The following FAM9C variants were observed in gnomAD, a reference collection of about 807,000 sequenced individuals.
FAM9C encodes protein FAM9C.
In FAM9C, 15 loss-of-function variants were observed where a neutral mutation model predicts 14.8. The observed-to-expected ratio is 1.02, with a 90% confidence interval of 0.68 to 1.56. The LOEUF is 1.56. Among genes scored for constraint, FAM9C ranks in the 40% most tolerant of loss-of-function variants. The probability of loss-of-function intolerance (pLI) is 0.00; values close to 1 mark genes in which losing one functional copy is unlikely to be tolerated. For missense variants in FAM9C, 116 were observed against 118.0 expected (o/e 0.98, Z 0.08); for synonymous variants, 45 against 37.5 (o/e 1.20, Z -0.74).
In FAM9C at chrX:13,040,773, G is replaced by A; in HGVS notation, c.314C>T (p.Thr105Ile). The A allele has an allele frequency of 8.5e-7, 1 of 1,175,188 alleles. No individual in the cohort carries two copies. The highest frequency in any genetic ancestry group is 2.0e-5 in the South Asian group (1 of 51,161). Reference protein sequence around the residue: ...IKNRIKNVLRTTQLKRQKRDY... With the variant: ...IKNRIKNVLRITQLKRQKRDY... ...ACAATCATACCTTTTTAGTTGTGTT[G>A]TTCTCAAAACATTTTTAATTCTGTT... Residue 105 changes from threonine (T) to isoleucine (I), a missense_variant, in exon 5 of 8, where the codon ACA becomes ATA. Coordinates refer to ENST00000380625, the MANE Select transcript of FAM9C (RefSeq NM_174901.6).
Position 13,043,627 on chromosome X carries a change from G to C in FAM9C, c.61+102C>G. The C allele has an allele frequency of 3.9e-6, 4 of 1,027,850 alleles. No individual in the cohort carries two copies. The Admixed American group carries it at 6.8e-5, about 17-fold the overall frequency. The allele number at this position is 1,027,850 out of a possible 1,213,427, so 84.7% of individuals were successfully genotyped here. A position where few individuals can be genotyped will look rare whatever the true frequency, so the allele number is the denominator to read the frequency against. On this transcript the variant is annotated intron_variant, in intron 2 of 7. Coordinates refer to ENST00000380625, the MANE Select transcript of FAM9C (RefSeq NM_174901.6). ...CATGCACGGTGAGCTCCAAAGCCAC[G>C]AAGGGGCCGGGGGCCTCGGGCTGCC...
rs1219703037 is a variant in FAM9C at position 13,043,131 on chromosome X, G to C, written c.179C>G (p.Thr60Arg). 1 of 1,205,165 alleles carries C rather than the reference G, an allele frequency of 8.3e-7. No individual in the cohort carries two copies. Among genetic ancestry groups the C allele is most frequent in the Non-Finnish European group, 1.1e-6 (1 of 893,373 alleles). The change falls in exon 3 of 8, where the codon ACG becomes AGG. Residue 60 changes from threonine (T) to arginine (R), a missense_variant. Coordinates refer to ENST00000380625, the MANE Select transcript of FAM9C (RefSeq NM_174901.6). Reference protein sequence around the residue: ...RGSFAETDEHTGVDTKELEDI... With the variant: ...RGSFAETDEHRGVDTKELEDI... ...AAAAGGGACTTAAACACTTTACCCC[G>C]TGTGTTCATCTGTTTCAGCAAAAGA...
chrX:13,038,680 T>C (rs1370141484), intron 6 of FAM9C, among the ~76,000 whole-genome samples, 177 bp from the exon 7 acceptor site: 2 of 112,550 alleles, frequency 1.8e-5, no homozygotes, highest in African/African-American at 6.5e-5. Flanking sequence ...CAATAACCTT[T>C]TTCATCAGTC....
In FAM9C at chrX:13,043,373, C is replaced by T. The variant is rs140660027; in HGVS notation, c.62-125G>A. 1.1e-3 allele frequency: 1,045 copies of T among 935,397 alleles called. 9 individuals carry two copies. In the African/African-American group the frequency reaches 0.018, roughly 16 times the overall value. The allele number at this position is 935,397 out of a possible 1,213,427, so 77.1% of individuals were successfully genotyped here. A position where few individuals can be genotyped will look rare whatever the true frequency, so the allele number is the denominator to read the frequency against. ...CGCCAATTAAAGCTTTACCGCAGAG[C>T]TATACATGGAATCGCCGGCTCCTAA... On this transcript the variant is annotated intron_variant, in intron 2 of 7. Coordinates refer to ENST00000380625, the MANE Select transcript of FAM9C (RefSeq NM_174901.6).
chrX:13,039,244 C>CA (rs1475547157), intron 6 of FAM9C, among the ~76,000 whole-genome samples: 2 of 111,324 alleles, frequency 1.8e-5, no homozygotes, highest in Non-Finnish European at 3.8e-5. Context: ...AATTGGATCC[C>CA]AAGCAGTGGG....
At chrX:13,041,138 TA>T (rs1290998576) in intron 4 of FAM9C, 1 of 180,161 alleles carries the variant, frequency 5.6e-6, no homozygotes, top group East Asian at 1.2e-4. Flanking sequence ...TTCTATTTTT[TA>T]AGTGTGCAGA....
chrX:13,043,346 TC>T, intron 2 of FAM9C, 98 bp from the exon 3 acceptor site: 1 of 1,045,213 alleles, frequency 9.6e-7, no homozygotes, highest in Non-Finnish European at 1.3e-6. Context: ...TTTTTGGCTC[TC>T]CGCCAATTAA....
intron 4 of FAM9C, 80 bp downstream of exon 4, chrX:13,042,838 C>T: frequency 9.8e-7 from 1 of 1,024,374 alleles, no homozygotes; most frequent in Non-Finnish European, 1.4e-6. Flanking sequence ...TCTTGTCATC[C>T]ACTAATTCAT....
chrX:13,041,754 C>G (rs1321686948), intron 4 of FAM9C: 1 of 112,043 alleles, frequency 8.9e-6, no homozygotes, highest in African/African-American at 3.2e-5. Flanking sequence ...TTTCTGAGAG[C>G]TTTTTATATG....
chrX:13,043,644 C>T (rs2043548694), intron 2 of FAM9C, 85 bp downstream of exon 2: 23 of 1,114,250 alleles, frequency 2.1e-5, no homozygotes, highest in Admixed American at 4.4e-5. Context: ...CCGGGGGCCT[C>T]GGGCTGCCCA....
chrX:13,042,919 T>C lies in FAM9C; in HGVS notation c.213A>G (p.Ala71=). Residue 71 remains alanine, a splice_region_variant and synonymous_variant, in exon 4 of 8, where the codon GCA becomes GCG. Transcript: ENST00000380625. ...GVDTKELEDI[A]ADIKEHLAAK... The stretch of plus-strand genomic sequence containing the variant: ...CCACAAATAGCTCGTAAAACATACC[T>C]GCAATATCTTCTAGCTCCTTGGTAT... 1.7e-6 allele frequency: 2 copies of C among 1,205,618 alleles called. No individual in the cohort carries two copies. The highest frequency in any genetic ancestry group is 2.2e-6 in the Non-Finnish European group (2 of 893,150).
intron 4 of FAM9C, chrX:13,041,306 C>G (rs986520277): frequency 9.1e-6 from 1 of 110,333 alleles, no homozygotes; most frequent in Non-Finnish European, 1.9e-5. Context: ...TCCCGAGTAG[C>G]TGGGACTACA....
rs763446880 is a variant in FAM9C, at chrX:13,043,127, C to A, written c.182+1G>T. 23 of 1,205,832 alleles carry A rather than the reference C, an allele frequency of 1.9e-5. No individual in the cohort carries two copies. Among genetic ancestry groups the A allele is most frequent in the Non-Finnish European group, 2.5e-5 (22 of 893,607 alleles). ...AGGCAAAAGGGACTTAAACACTTTA[C>A]CCCGTGTGTTCATCTGTTTCAGCAA... On this transcript the variant is annotated splice_donor_variant, in intron 3 of 7. Transcript: ENST00000380625. LOFTEE classifies it high-confidence loss of function.
At chrX:13,040,434 A>G (rs2043515857) in intron 5 of FAM9C, 1 of 336,219 alleles carries the variant, frequency 3.0e-6, no homozygotes, top group Admixed American at 8.2e-5. Flanking sequence ...TATTGTTAAG[A>G]ATCTACAGAC....
chrX:13,040,743 A>G lies in FAM9C; in HGVS notation c.329+15T>C, dbSNP rs764167173. The G allele has an allele frequency of 2.8e-6, 3 of 1,063,161 alleles. No individual in the cohort carries two copies. The South Asian group carries it at 6.5e-5, about 23-fold the overall frequency. The allele number at this position is 1,063,161 out of a possible 1,213,427, so 87.6% of individuals were successfully genotyped here. On this transcript the variant is annotated intron_variant, in intron 5 of 7. Transcript: ENST00000380625. ...TGATATAAATATCATTATTCAAAAA[A>G]GCCAACAATCATACCTTTTTAGTTG...
intron 5 of FAM9C, among the ~76,000 whole-genome samples, 173 bp from the exon 6 acceptor site, chrX:13,040,089 A>T (rs990709232): frequency 5.3e-5 from 6 of 112,337 alleles, no homozygotes; most frequent in African/African-American, 1.9e-4. Context: ...TTCTGAAAGG[A>T]TCCCTTCCTA....
intron 7 of FAM9C, 159 bp downstream of exon 7, chrX:13,038,257 T>C (rs2043495153): frequency 2.8e-6 from 1 of 351,467 alleles, no homozygotes; most frequent in African/African-American, 2.7e-5. Context: ...ACTACTTATG[T>C]TAAATCTGGA....
At chrX:13,038,863 T>C (rs1279779928) in intron 6 of FAM9C, among the ~76,000 whole-genome samples, 1 of 111,984 alleles carries the variant, frequency 8.9e-6, no homozygotes, top group African/African-American at 3.3e-5. Context: ...TAAACACCTG[T>C]TAAATCTTGG....
intron 6 of FAM9C, among the ~76,000 whole-genome samples, chrX:13,039,050 C>T (rs1238572604): frequency 4.5e-5 from 5 of 111,686 alleles, no homozygotes; most frequent in Admixed American, 9.5e-5. Context: ...CAATGATAAA[C>T]AGCAACCATG....
Sources: gnomAD v4.1 joint callset for allele counts (sites outside exome capture counted in the v4.1 genomes callset) on GRCh38, gnomAD v4.1.1 for gene constraint, MANE v1.5 for transcripts, NCBI Gene and HGNC (gene_info 2026-07-23, HGNC 2026-07-21) for gene names.